The following LRP2 variants were observed in gnomAD, a reference collection of about 807,000 sequenced individuals.
The protein encoded by LRP2 is LDL receptor related protein 2.
Under a neutral mutation model 531.0 loss-of-function variants are expected in LRP2, and 172 were observed. That is an observed-to-expected ratio of 0.32 (90% CI 0.29 to 0.37). The LOEUF (loss-of-function observed/expected upper bound fraction) is 0.37. Ranked by LOEUF, LRP2 falls within the 10% of genes least tolerant of loss-of-function variation. LRP2 has a pLI of 1.00. For synonymous variants in LRP2, 1,992 were observed against 2,027.6 expected (o/e 0.98, Z 0.47); for missense variants, 5,167 against 5,868.3 (o/e 0.88, Z 3.90).
At chr2:169,137,186 T>C (rs968931726) in intron 76 of LRP2, among the ~76,000 whole-genome samples, 5 of 152,218 alleles carry the variant, frequency 3.3e-5, no homozygotes, top group African/African-American at 1.2e-4. Flanking sequence ...CCTCCACCAC[T>C]GTGCAACAGA....
rs1165273027 is a variant in LRP2 at position 169,292,860 on chromosome 2, TA to T, written c.653-492del. ...AAAAAAAAAAAAAAAAAAAAAAAAT[TA>T]AAAACAAGATGGTTTGCAATGCGTT... On this transcript the variant is annotated intron_variant, in intron 6 of 78. Coordinates refer to ENST00000649046, the MANE Select transcript of LRP2 (RefSeq NM_004525.3). Among the ~76,000 whole-genome samples the T allele has an allele frequency of 3.2e-5, 4 of 123,420 alleles. 1 individual carries two copies. The highest frequency in any genetic ancestry group is 8.8e-5 in the African/African-American group (3 of 34,116). 81.0% of individuals were successfully genotyped at this position (123,420 alleles called of 152,430 possible).
chr2:169,362,266 C>T (rs1686188385), intron 1 of LRP2, 55 bp downstream of exon 1: 9 of 1,471,742 alleles, frequency 6.1e-6, no homozygotes, highest in South Asian at 6.1e-5. Flanking sequence ...CGGACCCGAC[C>T]CTGCCACAGC....
intron 25 of LRP2, among the ~76,000 whole-genome samples, chr2:169,240,474 C>T (rs1448297769): frequency 6.6e-6 from 1 of 152,148 alleles, no homozygotes; most frequent in Non-Finnish European, 1.5e-5. Flanking sequence ...CATATGAAAT[C>T]ATAAGAATCT....
In LRP2 at chr2:169,201,747, C is replaced by A; in HGVS notation, c.8333G>T (p.Arg2778Met). The change falls in exon 44 of 79, where the codon AGG becomes ATG. Residue 2778 changes from arginine (R) to methionine (M), a missense_variant. Arg to Met is a moderately conservative substitution (Grantham distance 91). This residue lies in a region of LRP2 where 1,129 missense variants were observed against 1,362.7 expected (regional missense o/e 0.83). Transcript: ENST00000649046. ...DGSDEAGCLF[R>M]DCNATTEFMC... ...AAACTCCGTGGTGGCATTGCAGTCCCTGAACAGGCACCCTGCCTCATCACT... is the reference window on the plus strand; with the variant it reads ...AAACTCCGTGGTGGCATTGCAGTCCATGAACAGGCACCCTGCCTCATCACT... The A allele has an allele frequency of 6.2e-7, 1 of 1,614,206 alleles. No individual in the cohort carries two copies. Among genetic ancestry groups the A allele is most frequent in the Non-Finnish European group, 8.5e-7 (1 of 1,180,046 alleles).
chr2:169,275,415 A>G, intron 13 of LRP2, 177 bp from the exon 14 acceptor site: 1 of 606,290 alleles, frequency 1.6e-6, no homozygotes, highest in East Asian at 2.9e-5. Flanking sequence ...ATATGATAGA[A>G]GGATTTTCAT....
chr2:169,169,309 T>C (rs1015958346), intron 60 of LRP2, among the ~76,000 whole-genome samples: 1 of 152,242 alleles, frequency 6.6e-6, no homozygotes, highest in African/African-American at 2.4e-5. Flanking sequence ...ATCGTGTGAC[T>C]GAGAAAAATT....
At chr2:169,283,866 GA>G (rs1046348286) in intron 9 of LRP2, among the ~76,000 whole-genome samples, 2 of 152,102 alleles carry the variant, frequency 1.3e-5, no homozygotes, top group African/African-American at 4.8e-5. Flanking sequence ...ATAGAATATG[GA>G]GGGGAGAACA....
chr2:169,298,685 C>T (rs956103807), intron 4 of LRP2, among the ~76,000 whole-genome samples: 1 of 152,106 alleles, frequency 6.6e-6, no homozygotes, highest in African/African-American at 2.4e-5. Flanking sequence ...GTGAGGCCAA[C>T]TCTAGTTTCC....
In LRP2 at chr2:169,328,471, A is replaced by G. The variant is rs1458877350; in HGVS notation, c.80-7587T>C. Among the ~76,000 whole-genome samples, 22 of 149,876 alleles carry G rather than the reference A, an allele frequency of 1.5e-4. 1 individual carries two copies. Among genetic ancestry groups the G allele is most frequent in the African/African-American group, 4.1e-4 (17 of 41,118 alleles). ...AAAAAAAAAAAAAAAAAAAGAAAAA[A>G]AAAGAAATAAATAAATAAATAAATA... is the stretch of plus-strand genomic sequence containing the variant. On this transcript the variant is annotated intron_variant, in intron 1 of 78. Transcript: ENST00000649046.
intron 16 of LRP2, among the ~76,000 whole-genome samples, chr2:169,269,599 C>T (rs369228248): frequency 1.3e-5 from 2 of 152,054 alleles, no homozygotes; most frequent in African/African-American, 4.8e-5. Flanking sequence ...ATACAAAAAT[C>T]AATTCAAGAT....
chr2:169,247,877 A>C (rs1690073886), intron 19 of LRP2, among the ~76,000 whole-genome samples: 1 of 152,220 alleles, frequency 6.6e-6, no homozygotes, highest in Admixed American at 6.5e-5. Context: ...TAAAGCACTC[A>C]CCTGCTGAGT....
chr2:169,228,311 T>TA (rs56358282), intron 31 of LRP2, among the ~76,000 whole-genome samples: 12,964 of 133,132 alleles, frequency 0.097, 917 homozygotes, highest in African/African-American at 0.21. Context: ...ACTGCAACAG[T>TA]AAAAAAAAAA....
At chr2:169,149,423 G>C (rs961616152) in intron 68 of LRP2, among the ~76,000 whole-genome samples, 1 of 152,192 alleles carries the variant, frequency 6.6e-6, no homozygotes, top group African/African-American at 2.4e-5. Context: ...AAATGAGGAG[G>C]TTGTAGGTCG....
Position 169,231,846 on chromosome 2 carries a change from C to A in LRP2, c.5099-4G>T. ...GAAAAGGCACATGGATTCACGGCTG[C>A]ATGAGAAAGAGAAGAAAGCACCAGT... On this transcript the variant is annotated splice_region_variant and splice_polypyrimidine_tract_variant and intron_variant, in intron 30 of 78. Coordinates refer to ENST00000649046, the MANE Select transcript of LRP2 (RefSeq NM_004525.3). 1 of 1,613,844 alleles carries A rather than the reference C, an allele frequency of 6.2e-7. No homozygotes were observed. The highest frequency in any genetic ancestry group is 8.5e-7 in the Non-Finnish European group (1 of 1,179,862).
chr2:169,247,042 A>G, intron 20 of LRP2, 56 bp from the exon 21 acceptor site: 1 of 1,593,274 alleles, frequency 6.3e-7, no homozygotes, highest in South Asian at 1.1e-5. Context: ...TAGGTAGGTC[A>G]CGGGTTTGAT....
In LRP2 at chr2:169,275,305, G is replaced by C. The variant is rs533056464; in HGVS notation, c.1773-67C>G. 4.0e-5 allele frequency: 50 copies of C among 1,256,606 alleles called. 1 individual carries two copies. The South Asian group carries it at 6.2e-4, about 15-fold the overall frequency. 77.8% of individuals were successfully genotyped at this position (1,256,606 alleles called of 1,614,324 possible). A position where few individuals can be genotyped will look rare whatever the true frequency, so the allele number is the denominator to read the frequency against. On this transcript the variant is annotated intron_variant, in intron 13 of 78. Coordinates refer to ENST00000649046, the MANE Select transcript of LRP2 (RefSeq NM_004525.3). ...TTGCTTTATTATAATTAAAGCTGTA[G>C]TTAGTTCAATTAAATGCCTGAAAAG...
chr2:169,358,892 T>G (rs1379373002), intron 1 of LRP2, among the ~76,000 whole-genome samples: 1 of 121,398 alleles, frequency 8.2e-6, no homozygotes, highest in Non-Finnish European at 1.7e-5. Flanking sequence ...GCCAATACGA[T>G]TTTCTCAAAA....
At position 169,236,026 on chromosome 2, in the gene LRP2, G is replaced by GC; in HGVS notation, c.4733dup (p.Ile1579HisfsTer28). On this transcript the variant is annotated frameshift_variant, in exon 29 of 79. Coordinates refer to ENST00000649046, the MANE Select transcript of LRP2 (RefSeq NM_004525.3). LOFTEE classifies it high-confidence loss of function. ...TGCCGTCCATGCTGGCTCGCTCGAT[G>GC]CGAGGGTGGTGGCCCCAGTCAGACC... The GC allele has an allele frequency of 6.2e-7, 1 of 1,614,160 alleles. No homozygotes were observed. The highest frequency in any genetic ancestry group is 8.5e-7 in the Non-Finnish European group (1 of 1,180,008).
Position 169,258,430 on chromosome 2 carries a change from C to A in LRP2, c.2513+595G>T, listed in dbSNP as rs376708327. On this transcript the variant is annotated intron_variant, in intron 17 of 78. Coordinates refer to ENST00000649046, the MANE Select transcript of LRP2 (RefSeq NM_004525.3). ...GTGGGTTAGCAGCCATCTTTTTTATCATTCCACTCATATACAACACATAGC... is the reference window on the plus strand; with the variant it reads ...GTGGGTTAGCAGCCATCTTTTTTATAATTCCACTCATATACAACACATAGC... Among the ~76,000 whole-genome samples the A allele has an allele frequency of 1.8e-4, 28 of 152,210 alleles. 1 individual carries two copies. In the East Asian group the frequency reaches 2.1e-3, roughly 12 times the overall value.
Sources: allele counts gnomAD v4.1 joint callset (sites outside exome capture counted in the v4.1 genomes callset), GRCh38; gene constraint gnomAD v4.1.1; regional missense constraint gnomAD v4.1.1; transcripts MANE v1.5; gene names NCBI Gene and HGNC (gene_info 2026-07-23, HGNC 2026-07-21).